PACRG: variants seen among roughly 807,000 people sequenced by gnomAD.
PACRG encodes parkin coregulated, also known as parkin coregulated gene protein.
A neutral mutation model predicts 29.7 loss-of-function variants in PACRG; 29 were observed. That is an observed-to-expected ratio of 0.98 (90% CI 0.73 to 1.33). The LOEUF (loss-of-function observed/expected upper bound fraction) is 1.33. Among genes scored for constraint, PACRG ranks in the 40% most tolerant of loss-of-function variants. The pLI is 0.00. For missense variants in PACRG, 279 were observed against 316.2 expected, an observed-to-expected ratio of 0.88 and a Z score of 0.89; for synonymous variants, 116 against 118.7, an observed-to-expected ratio of 0.98 and a Z score of 0.15.
chr6:163,182,301 G>A (rs1224254415), intron 4 of PACRG, among the ~76,000 whole-genome samples: 3 of 152,298 alleles, frequency 2.0e-5, no homozygotes, highest in African/African-American at 4.8e-5. Flanking sequence ...TGAAGAAATT[G>A]CTAACAATTT....
At chr6:162,810,343 G>A (rs535771386) in intron 1 of PACRG, among the ~76,000 whole-genome samples, 22 of 152,178 alleles carry the variant, frequency 1.4e-4, no homozygotes, top group African/African-American at 5.1e-4. Context: ...AAGCTAAAAC[G>A]GAAGCTTTAA....
intron 4 of PACRG, among the ~76,000 whole-genome samples, chr6:163,206,692 G>T (rs1416176701): frequency 6.6e-6 from 1 of 151,274 alleles, no homozygotes; most frequent in Non-Finnish European, 1.5e-5. Context: ...AAAAATAGAA[G>T]AAAAGGAAAG....
intron 1 of PACRG, among the ~76,000 whole-genome samples, chr6:162,800,896 C>T (rs560705388): frequency 2.0e-5 from 3 of 152,216 alleles, no homozygotes; most frequent in South Asian, 2.1e-4. Context: ...TAGAAGGAAT[C>T]GTAGAGGTCA....
chr6:163,035,870 G>A (rs1340999788), intron 2 of PACRG, among the ~76,000 whole-genome samples: 1 of 149,646 alleles, frequency 6.7e-6, no homozygotes, highest in South Asian at 2.1e-4. Flanking sequence ...ATGCAGCCCA[G>A]TAGGTCTCAG....
chr6:163,131,493 G>A (rs1192371694), intron 4 of PACRG, among the ~76,000 whole-genome samples: 1 of 152,130 alleles, frequency 6.6e-6, no homozygotes, highest in African/African-American at 2.4e-5. Context: ...AGAATTTGGA[G>A]AGGCGCATAA....
chr6:163,022,372 A>G (rs1367610535), intron 2 of PACRG, among the ~76,000 whole-genome samples: 2 of 152,214 alleles, frequency 1.3e-5, no homozygotes, highest in East Asian at 3.8e-4. Context: ...GCTACCTCAC[A>G]GTCACACTGT....
chr6:163,021,228 T>C (rs1806585315), intron 2 of PACRG, among the ~76,000 whole-genome samples: 1 of 152,078 alleles, frequency 6.6e-6, no homozygotes. Flanking sequence ...CATGATGCAA[T>C]CATAACCTCG....
intron 4 of PACRG, among the ~76,000 whole-genome samples, chr6:163,267,415 C>A (rs186068978): frequency 6.6e-6 from 1 of 152,338 alleles, no homozygotes; most frequent in East Asian, 1.9e-4. Flanking sequence ...CAGCCTGCTT[C>A]TAAGTCCTAG....
chr6:163,118,495 A>G (rs942398154), intron 4 of PACRG, among the ~76,000 whole-genome samples: 8 of 152,224 alleles, frequency 5.3e-5, no homozygotes, highest in Non-Finnish European at 8.8e-5. Context: ...TGCATGGCTA[A>G]TGTATTTTAT....
chr6:162,777,259 G>T lies in PACRG; in HGVS notation c.157-36888G>T, dbSNP rs985652204. 6.6e-6 allele frequency among the ~76,000 whole-genome samples: 1 copy of T among 152,226 alleles called. No homozygotes were observed. Among genetic ancestry groups the T allele is most frequent in the South Asian group, 2.1e-4 (1 of 4,824 alleles). ...GTGTGACGTTGTTTTTCTCCACTTCGGGACATGCAGTTGGCCATGTGCTCA... is the reference window on the plus strand; with the variant it reads ...GTGTGACGTTGTTTTTCTCCACTTCTGGACATGCAGTTGGCCATGTGCTCA... On this transcript the variant is annotated intron_variant, in intron 1 of 4. Coordinates refer to ENST00000366888, the MANE Select transcript of PACRG (RefSeq NM_001080379.2). This position sits in a 1 kb window ranked among gnomAD's most constrained non-coding sequence, Gnocchi z 4.0.
chr6:163,306,054 T>G (rs994302038), intron 4 of PACRG, among the ~76,000 whole-genome samples: 2 of 152,228 alleles, frequency 1.3e-5, no homozygotes, highest in Non-Finnish European at 2.9e-5. Flanking sequence ...TATCACTTAC[T>G]GCTTACATCA....
At chr6:162,803,605 TGATAA>T (rs142815821) in intron 1 of PACRG, among the ~76,000 whole-genome samples, 421 of 152,280 alleles carry the variant, frequency 2.8e-3, no homozygotes, top group Non-Finnish European at 4.9e-3. Context: ...GAAACAAAGA[TGATAA>T]GATATTTTCA....
intron 4 of PACRG, chr6:163,095,373 T>A (rs1053906375): frequency 4.1e-6 from 4 of 985,340 alleles, no homozygotes; most frequent in Non-Finnish European, 4.8e-6. Flanking sequence ...AGGATTATTC[T>A]GAGTTGTCTG....
intron 4 of PACRG, among the ~76,000 whole-genome samples, chr6:163,132,115 G>A (rs1294789851): frequency 6.6e-6 from 1 of 152,092 alleles, no homozygotes; most frequent in Non-Finnish European, 1.5e-5. Context: ...ATTTTAATAT[G>A]CTCATGAAGT....
intron 1 of PACRG, among the ~76,000 whole-genome samples, chr6:162,757,838 G>C (rs1782049162): frequency 6.6e-6 from 1 of 152,070 alleles, no homozygotes; most frequent in South Asian, 2.1e-4. Flanking sequence ...CCAATATTCT[G>C]TAGAAAAATA....
At chr6:163,188,033 C>A (rs1171316765) in intron 4 of PACRG, among the ~76,000 whole-genome samples, 1 of 152,166 alleles carries the variant, frequency 6.6e-6, no homozygotes, top group Non-Finnish European at 1.5e-5. Flanking sequence ...TTGAAACACC[C>A]CTTACAATAT....
intron 4 of PACRG, among the ~76,000 whole-genome samples, chr6:163,304,107 C>A (rs1365882960): frequency 6.7e-6 from 1 of 150,352 alleles, no homozygotes; most frequent in African/African-American, 2.5e-5. Flanking sequence ...TAAAGATGAT[C>A]CAGGTAAACC....
chr6:162,941,024 GTT>G (rs1445753152), intron 2 of PACRG, among the ~76,000 whole-genome samples: 4 of 148,464 alleles, frequency 2.7e-5, no homozygotes, highest in Admixed American at 1.3e-4. Flanking sequence ...GCGCGTGTGT[GTT>G]TGTATATGTG....
intron 4 of PACRG, among the ~76,000 whole-genome samples, chr6:163,132,065 A>G (rs1816762467): frequency 6.6e-6 from 1 of 152,196 alleles, no homozygotes; most frequent in Non-Finnish European, 1.5e-5. Context: ...AGCTGAATGT[A>G]AGTAATACAT....
Sources: allele counts gnomAD v4.1 joint callset (sites outside exome capture counted in the v4.1 genomes callset), GRCh38; gene constraint gnomAD v4.1.1; non-coding constraint Gnocchi (gnomAD v3.1); transcripts MANE v1.5; gene names NCBI Gene and HGNC (gene_info 2026-07-23, HGNC 2026-07-21).